Variants in ARNT2 observed in about 807,000 individuals in gnomAD.
ARNT2 encodes ARNT protein 2.
In ARNT2, 36 loss-of-function variants were observed where a neutral mutation model predicts 91.7. The observed-to-expected ratio is 0.39, with a 90% confidence interval of 0.30 to 0.52. The LOEUF (loss-of-function observed/expected upper bound fraction) is 0.52. Among genes scored for constraint, ARNT2 ranks in the 20% least tolerant of loss-of-function variants. The pLI, the probability that ARNT2 is intolerant of heterozygous loss-of-function variation, is 0.72. For missense variants in ARNT2, 775 were observed against 939.3 expected, an observed-to-expected ratio of 0.83 and a Z score of 2.29; for synonymous variants, 365 against 347.1, an observed-to-expected ratio of 1.05 and a Z score of -0.57.
rs1234740243 is a variant in ARNT2, at chr15:80,575,038, G to C, written c.1441G>C (p.Glu481Gln). 7 of 1,614,126 alleles carry C rather than the reference G, an allele frequency of 4.3e-6. No homozygotes were observed. Among genetic ancestry groups the C allele is most frequent in the Non-Finnish European group, 5.9e-6 (7 of 1,180,052 alleles). Residue 481 changes from glutamate (E) to glutamine (Q), a missense_variant, in exon 14 of 19, where the codon GAA becomes CAA. By Grantham distance (29) the Glu-to-Gln change is conservative. Coordinates refer to ENST00000303329, the MANE Select transcript of ARNT2 (RefSeq NM_014862.4). ...TGTTCATGAGGCCGGGAAGTCCGTG[G>C]AAAAGGCGGATGCAATCTTCTCCCA... Reference protein sequence around the residue: ...AGVHEAGKSVEKADAIFSQER... With the variant: ...AGVHEAGKSVQKADAIFSQER...
intron 12 of ARNT2, among the ~76,000 whole-genome samples, chr15:80,566,383 C>G (rs905111171): frequency 6.6e-6 from 1 of 152,178 alleles, no homozygotes; most frequent in Non-Finnish European, 1.5e-5. Context: ...TGGCATCTAG[C>G]AGAGGCAAAG....
At chr15:80,521,238 G>A (rs537371314) in intron 8 of ARNT2, among the ~76,000 whole-genome samples, 1 of 152,042 alleles carries the variant, frequency 6.6e-6, no homozygotes, top group Admixed American at 6.6e-5. Flanking sequence ...AGTCATATTT[G>A]CTTCAGACTC....
chr15:80,497,054 A>C (rs1315852542), intron 5 of ARNT2, among the ~76,000 whole-genome samples: 2 of 152,232 alleles, frequency 1.3e-5, no homozygotes, highest in East Asian at 3.8e-4. Flanking sequence ...GAGGCAAGCT[A>C]TCTGCCTAAG....
chr15:80,435,109 A>G (rs894048865), intron 1 of ARNT2, among the ~76,000 whole-genome samples: 1 of 151,846 alleles, frequency 6.6e-6, no homozygotes, highest in African/African-American at 2.4e-5. Context: ...GAGCTCCCCA[A>G]TCCCTTAGTG....
intron 8 of ARNT2, among the ~76,000 whole-genome samples, chr15:80,549,564 A>G (rs74027838): frequency 1.5e-3 from 236 of 152,352 alleles, no homozygotes; most frequent in African/African-American, 5.6e-3. Context: ...TCACTAAAAA[A>G]CAAGATATAA....
rs1348170670 is a variant in ARNT2, at chr15:80,552,716, A to T, written c.1031A>T (p.Asp344Val). 4 of 1,614,146 alleles carry T rather than the reference A, an allele frequency of 2.5e-6. No individual in the cohort carries two copies. Among genetic ancestry groups the T allele is most frequent in the Non-Finnish European group, 3.4e-6 (4 of 1,179,998 alleles). Residue 344 changes from aspartate to valine, a missense_variant, in exon 10 of 19, where the codon GAT becomes GTT. By Grantham distance (152) the Asp-to-Val change is radical. Transcript: ENST00000303329. Reference protein sequence around the residue: ...PTEFLSRHNSDGIITFVDPRC... With the variant: ...PTEFLSRHNSVGIITFVDPRC... Reference sequence around the variant, plus strand: ...GAGTTCTTATCCCGGCATAACTCCGATGGAATCATCACATTTGTGGATCCA... The same window carrying T: ...GAGTTCTTATCCCGGCATAACTCCGTTGGAATCATCACATTTGTGGATCCA...
At chr15:80,479,828 C>A (rs962018514) in intron 5 of ARNT2, among the ~76,000 whole-genome samples, 4 of 152,144 alleles carry the variant, frequency 2.6e-5, no homozygotes, top group Non-Finnish European at 5.9e-5. Context: ...ATCCTGATGG[C>A]CAGGGAGACT....
At chr15:80,462,294 G>T (rs560899937) in intron 3 of ARNT2, among the ~76,000 whole-genome samples, 1 of 152,236 alleles carries the variant, frequency 6.6e-6, no homozygotes, top group African/African-American at 2.4e-5. Flanking sequence ...CTTAAATATT[G>T]TTTCATAAGG....
rs1898771055 is a variant in ARNT2, at chr15:80,580,411, C to A, written c.1614C>A (p.Ser538Arg). ...FPSGHSGKAF[S>R]SSVVHVPGVN... ...ATAAATGCATTTTCCTCTTTTCTAGCTCTTCAGTGGTTCATGTGCCTGGAG... is the reference window on the plus strand; with the variant it reads ...ATAAATGCATTTTCCTCTTTTCTAGATCTTCAGTGGTTCATGTGCCTGGAG... Residue 538 changes from serine (S) to arginine (R), a missense_variant and splice_region_variant, in exon 16 of 19, where the codon AGC becomes AGA. Ser to Arg is a moderately radical substitution (Grantham distance 110). Around this residue, in one of 5 missense-constraint regions of ARNT2, gnomAD observed 325 missense variants for 359.9 expected, o/e 0.90. Transcript: ENST00000303329. 6.2e-7 allele frequency: 1 copy of A among 1,614,112 alleles called. No individual in the cohort carries two copies. Among genetic ancestry groups the A allele is most frequent in the Non-Finnish European group, 8.5e-7 (1 of 1,180,002 alleles).
chr15:80,452,582 C>T lies in ARNT2; in HGVS notation c.146+1588C>T, dbSNP rs571625717. ...TAAAATTATTTTAAATGTCTATGTGCACTCTAACTCGCATTCCCTGAGGAC... is the reference window on the plus strand; with the variant it reads ...TAAAATTATTTTAAATGTCTATGTGTACTCTAACTCGCATTCCCTGAGGAC... On this transcript the variant is annotated intron_variant, in intron 2 of 18. Coordinates refer to ENST00000303329, the MANE Select transcript of ARNT2 (RefSeq NM_014862.4). Among the ~76,000 whole-genome samples the T allele has an allele frequency of 2.6e-5, 4 of 152,302 alleles. No individual in the cohort carries two copies. In the South Asian group the frequency reaches 8.3e-4, roughly 32 times the overall value.
chr15:80,486,896 T>C (rs1896984112), intron 5 of ARNT2, among the ~76,000 whole-genome samples: 1 of 152,186 alleles, frequency 6.6e-6, no homozygotes, highest in African/African-American at 2.4e-5. Flanking sequence ...GTGAACGTGG[T>C]TACAGGTTGA....
chr15:80,490,876 A>G (rs1256699822), intron 5 of ARNT2, among the ~76,000 whole-genome samples: 1 of 152,230 alleles, frequency 6.6e-6, no homozygotes, highest in East Asian at 1.9e-4. Flanking sequence ...GCAGTTATAT[A>G]ATGAATATAG....
rs752295098 is a variant in ARNT2 at position 80,450,951 on chromosome 15, A to G, written c.103A>G (p.Met35Val). ...APMAATGQVR[M>V]AGAMPARGGK... ...CATGGCGGCCACCGGACAGGTGAGG[A>G]TGGCGGGGGCCATGCCTGCCCGTGG... is the stretch of plus-strand genomic sequence containing the variant. The change falls in exon 2 of 19, where the codon ATG becomes GTG. Residue 35 changes from methionine to valine, a missense_variant. Physicochemically the swap from Met to Val is conservative, Grantham distance 21. This residue lies in a region of ARNT2 where 79 missense variants were observed against 83.8 expected (regional missense o/e 0.94). Coordinates refer to ENST00000303329, the MANE Select transcript of ARNT2 (RefSeq NM_014862.4). The G allele has an allele frequency of 2.5e-6, 4 of 1,614,136 alleles. No individual in the cohort carries two copies.
chr15:80,503,883 C>T lies in ARNT2; in HGVS notation c.623-4273C>T, dbSNP rs564519584. On this transcript the variant is annotated intron_variant, in intron 5 of 18. Coordinates refer to ENST00000303329, the MANE Select transcript of ARNT2 (RefSeq NM_014862.4). The stretch of plus-strand genomic sequence containing the variant: ...TGGTGATTGCTGGGTCTTTGTAGAG[C>T]GCCATGCAGTCTGCAGAGCCCTGGT... 3.3e-4 allele frequency among the ~76,000 whole-genome samples: 51 copies of T among 152,306 alleles called. 1 individual carries two copies. Among genetic ancestry groups the T allele is most frequent in the Middle Eastern group, 3.4e-3 (1 of 294 alleles).
rs6495511 is a variant in ARNT2, at chr15:80,596,442, A to T, written c.*2744A>T. The T allele has an allele frequency of 6.6e-6, 1 of 151,964 alleles. No homozygotes were observed. The highest frequency in any genetic ancestry group is 2.4e-5 in the African/African-American group (1 of 41,322). 9.4% of individuals were successfully genotyped at this position (151,964 alleles called of 1,614,324 possible). A position where few individuals can be genotyped will look rare whatever the true frequency, so the allele number is the denominator to read the frequency against. Reference sequence around the variant, plus strand: ...AAGCCCAGGACTGGGAGAATCGCACATGCCCCAGGGGTTTTCACCAAGGAT... The same window carrying T: ...AAGCCCAGGACTGGGAGAATCGCACTTGCCCCAGGGGTTTTCACCAAGGAT... On this transcript the variant is annotated 3_prime_UTR_variant, in exon 19 of 19. Coordinates refer to ENST00000303329, the MANE Select transcript of ARNT2 (RefSeq NM_014862.4).
intron 2 of ARNT2, 62 bp from the exon 3 acceptor site, chr15:80,457,867 C>G: frequency 6.3e-7 from 1 of 1,575,978 alleles, no homozygotes; most frequent in South Asian, 1.1e-5. Context: ...TCCAGCAGCT[C>G]CTGTTACCAG....
intron 11 of ARNT2, among the ~76,000 whole-genome samples, chr15:80,558,702 C>T (rs187347197): frequency 9.9e-4 from 150 of 152,100 alleles, no homozygotes; most frequent in African/African-American, 3.5e-3. Flanking sequence ...AAGGGTGGCT[C>T]TCAACAAAGC....
At chr15:80,455,503 G>T (rs550189163) in intron 2 of ARNT2, among the ~76,000 whole-genome samples, 1 of 152,062 alleles carries the variant, frequency 6.6e-6, no homozygotes, top group African/African-American at 2.4e-5. Context: ...CCTGGCCAGC[G>T]TGGTATTATT....
intron 1 of ARNT2, among the ~76,000 whole-genome samples, chr15:80,414,428 C>A (rs1895747557): frequency 6.6e-6 from 1 of 152,094 alleles, no homozygotes; most frequent in African/African-American, 2.4e-5. Context: ...AGAAGAAAAC[C>A]CCAGGAGTTT....
Sources: gnomAD v4.1 joint callset for allele counts (sites outside exome capture counted in the v4.1 genomes callset) on GRCh38, gnomAD v4.1.1 for gene constraint, gnomAD v4.1.1 regional missense constraint, MANE v1.5 for transcripts, NCBI Gene and HGNC (gene_info 2026-07-23, HGNC 2026-07-21) for gene names.